Variants in CACNA1D observed in about 807,000 individuals in gnomAD.
The protein encoded by CACNA1D is voltage-dependent L-type calcium channel subunit alpha-1D.
CACNA1D carries 55 observed loss-of-function variants against 257.1 expected under a neutral mutation model. That is an observed-to-expected ratio of 0.21 (90% CI 0.17 to 0.27). The LOEUF (loss-of-function observed/expected upper bound fraction) is 0.27. Ranked by LOEUF, CACNA1D falls within the 10% of genes least tolerant of loss-of-function variation. The pLI is 1.00. For missense variants in CACNA1D, 1,876 were observed against 2,784.0 expected (o/e 0.67, Z 7.34); for synonymous variants, 980 against 1,014.9 (o/e 0.97, Z 0.65).
chr3:53,719,388 G>A (rs983555025), intron 10 of CACNA1D, among the ~76,000 whole-genome samples: 3 of 152,246 alleles, frequency 2.0e-5, no homozygotes, highest in Non-Finnish European at 4.4e-5. Flanking sequence ...GAGAATGGCA[G>A]TGCTGGGACT....
chr3:53,565,993 T>G (rs2092827936), intron 3 of CACNA1D, among the ~76,000 whole-genome samples: 1 of 152,212 alleles, frequency 6.6e-6, no homozygotes, highest in Admixed American at 6.5e-5. Flanking sequence ...TAGAAAGTAT[T>G]ACTTATACTG....
At chr3:53,746,989 C>A (rs965268098) in intron 25 of CACNA1D, among the ~76,000 whole-genome samples, 2 of 152,158 alleles carry the variant, frequency 1.3e-5, no homozygotes, top group Non-Finnish European at 2.9e-5. Flanking sequence ...GCGCCTCAAG[C>A]CCATTGTGTA....
chr3:53,763,295 G>A (rs547707780), intron 30 of CACNA1D, among the ~76,000 whole-genome samples: 1 of 152,370 alleles, frequency 6.6e-6, no homozygotes, highest in Non-Finnish European at 1.5e-5. Flanking sequence ...AACAAGTGCA[G>A]TAGTGGCATT....
rs1175833016 is a variant in CACNA1D at position 53,774,740 on chromosome 3, AG to A, written c.4202+65del. 7 of 902,178 alleles carry A rather than the reference AG, an allele frequency of 7.8e-6. No individual in the cohort carries two copies. Among genetic ancestry groups the A allele is most frequent in the Non-Finnish European group, 1.3e-5 (7 of 531,758 alleles). The allele number at this position is 902,178 out of a possible 1,614,324, so 55.9% of individuals were successfully genotyped here. ...GGGGGTCCGCTAGGCGTGGGTCCAG[AG>A]GGACGGAGGACACAGGTTATTAAAG... On this transcript the variant is annotated intron_variant, in intron 34 of 47. Coordinates refer to ENST00000350061, the MANE Select transcript of CACNA1D (RefSeq NM_001128840.3). The surrounding 1 kb of genome is among the most constrained non-coding windows in gnomAD (Gnocchi z 4.3).
At chr3:53,641,963 T>A (rs2093957741) in intron 3 of CACNA1D, among the ~76,000 whole-genome samples, 1 of 152,204 alleles carries the variant, frequency 6.6e-6, no homozygotes, top group African/African-American at 2.4e-5. Context: ...CATGGAGTGA[T>A]CCTACAGCCC....
chr3:53,754,197 T>C (rs904678907), intron 29 of CACNA1D, among the ~76,000 whole-genome samples: 1 of 152,250 alleles, frequency 6.6e-6, no homozygotes, highest in Non-Finnish European at 1.5e-5. Flanking sequence ...TTTTGTTTGC[T>C]TAATTTAGAA....
intron 8 of CACNA1D, chr3:53,679,653 T>A (rs1208780921): frequency 6.6e-6 from 1 of 152,226 alleles, no homozygotes; most frequent in Non-Finnish European, 1.5e-5. Context: ...ACTTCCTATG[T>A]GTTGTAGTGA....
At chr3:53,606,054 C>T (rs2093505889) in intron 3 of CACNA1D, among the ~76,000 whole-genome samples, 1 of 152,186 alleles carries the variant, frequency 6.6e-6, no homozygotes, top group Non-Finnish European at 1.5e-5. Context: ...CTAGGAAACA[C>T]CAAGAAGGCT....
intron 9 of CACNA1D, chr3:53,710,466 G>T (rs1028408228): frequency 2.2e-6 from 1 of 456,770 alleles, no homozygotes; most frequent in African/African-American, 2.0e-5. Flanking sequence ...GCAACGCAGG[G>T]CTAAAGATCA....
intron 3 of CACNA1D, among the ~76,000 whole-genome samples, chr3:53,521,110 G>A (rs896205173): frequency 2.7e-5 from 4 of 150,486 alleles, no homozygotes; most frequent in African/African-American, 9.8e-5. Context: ...TATCATCATA[G>A]CTCACTGCAA....
chr3:53,714,184 A>T (rs925215094), intron 9 of CACNA1D, among the ~76,000 whole-genome samples: 9 of 152,234 alleles, frequency 5.9e-5, no homozygotes, highest in Non-Finnish European at 1.3e-4. Context: ...AAGAGGCTTC[A>T]CAGCTTGTTC....
At chr3:53,534,246 C>T (rs1264323620) in intron 3 of CACNA1D, among the ~76,000 whole-genome samples, 4 of 152,188 alleles carry the variant, frequency 2.6e-5, no homozygotes, top group Non-Finnish European at 4.4e-5. Context: ...GAGGGCAGGC[C>T]TCGCCTCCCT....
At chr3:53,731,203 C>A in intron 17 of CACNA1D, 57 bp downstream of exon 17, 3 of 1,061,406 alleles carry the variant, frequency 2.8e-6, no homozygotes, top group Non-Finnish European at 1.5e-6. Flanking sequence ...TGTTGATCTC[C>A]ATACATGTAC....
chr3:53,696,963 A>G (rs1272201776), intron 8 of CACNA1D, among the ~76,000 whole-genome samples: 1 of 151,876 alleles, frequency 6.6e-6, no homozygotes, highest in African/African-American at 2.4e-5. Flanking sequence ...GCAGAGAGGG[A>G]AGCAAGCTCT....
At chr3:53,786,670 C>T (rs1037290352) in intron 39 of CACNA1D, 152 bp from the exon 40 acceptor site, 10 of 696,478 alleles carry the variant, frequency 1.4e-5, no homozygotes, top group Non-Finnish European at 2.6e-5. Flanking sequence ...GTTTGAGACC[C>T]CTGTGTTATA....
At chr3:53,529,050 A>G (rs954657944) in intron 3 of CACNA1D, among the ~76,000 whole-genome samples, 2 of 152,220 alleles carry the variant, frequency 1.3e-5, no homozygotes, top group African/African-American at 4.8e-5. Context: ...CATATGGTAT[A>G]GAATAGAAAT....
At chr3:53,613,258 G>C (rs2093602126) in intron 3 of CACNA1D, among the ~76,000 whole-genome samples, 2 of 152,196 alleles carry the variant, frequency 1.3e-5, no homozygotes, top group African/African-American at 2.4e-5. Flanking sequence ...TGCAAATTAA[G>C]TTTCATTTCC....
chr3:53,592,878 G>A (rs1170084905), intron 3 of CACNA1D, among the ~76,000 whole-genome samples: 3 of 152,022 alleles, frequency 2.0e-5, no homozygotes, highest in South Asian at 2.1e-4. Context: ...TAGTAGAGAC[G>A]GGGTTTTGCC....
chr3:53,611,679 T>C (rs750411340), intron 3 of CACNA1D, among the ~76,000 whole-genome samples: 4 of 152,246 alleles, frequency 2.6e-5, no homozygotes, highest in Non-Finnish European at 4.4e-5. Flanking sequence ...TCATTGAGTT[T>C]CTGTTCATCA....
Sources: gnomAD v4.1 joint callset for allele counts (sites outside exome capture counted in the v4.1 genomes callset) on GRCh38, gnomAD v4.1.1 for gene constraint, Gnocchi (gnomAD v3.1) non-coding constraint, MANE v1.5 for transcripts, NCBI Gene and HGNC (gene_info 2026-07-23, HGNC 2026-07-21) for gene names.